C1orf74: variants seen among roughly 807,000 people sequenced by gnomAD.
C1orf74 encodes UPF0739 protein C1orf74.
C1orf74 carries 5 observed loss-of-function variants against 7.3 expected under a neutral mutation model. That is an observed-to-expected ratio of 0.68 (90% CI 0.36 to 1.44). C1orf74 has a LOEUF of 1.44. Ranked by LOEUF, C1orf74 falls within the 40% of genes most tolerant of loss-of-function variation. The pLI, the probability that C1orf74 is intolerant of heterozygous loss-of-function variation, is 0.04. For synonymous variants in C1orf74, 121 were observed against 132.5 expected, an observed-to-expected ratio of 0.91 and a Z score of 0.59; for missense variants, 291 against 314.3, an observed-to-expected ratio of 0.93 and a Z score of 0.56.
rs756188636 is a variant in C1orf74 at position 209,779,451 on chromosome 1, T to C, written c.*3374A>G. ...CCTAGAGGCAGCGGGATGGACTACA[T>C]GACCTCCTGGAGTCCCAGCCAGTTC... On this transcript the variant is annotated 3_prime_UTR_variant, in exon 2 of 2. Coordinates refer to ENST00000294811, the MANE Select transcript of C1orf74 (RefSeq NM_152485.4). 7 of 1,288,078 alleles carry C rather than the reference T, an allele frequency of 5.4e-6. No individual in the cohort carries two copies. Among genetic ancestry groups the C allele is most frequent in the Non-Finnish European group, 7.9e-6 (7 of 886,646 alleles). 79.8% of individuals were successfully genotyped at this position (1,288,078 alleles called of 1,614,324 possible). A position where few individuals can be genotyped will look rare whatever the true frequency, so the allele number is the denominator to read the frequency against.
At position 209,782,032 on chromosome 1, in the gene C1orf74, TTCTG is replaced by T; in HGVS notation, c.*789_*792del. ...TTCCAATCCACTCATGGCCACTTTC[TTCTG>T]TCTCCCTGTCCCCCTACAGAGGCAA... On this transcript the variant is annotated 3_prime_UTR_variant, in exon 2 of 2. Transcript: ENST00000294811. The T allele has an allele frequency of 6.2e-7, 1 of 1,602,074 alleles. No individual in the cohort carries two copies. Among genetic ancestry groups the T allele is most frequent in the Non-Finnish European group, 8.6e-7 (1 of 1,169,012 alleles).
At chr1:209,784,007 G>A (rs1346008854) in intron 1 of C1orf74, among the ~76,000 whole-genome samples, 3 of 152,144 alleles carry the variant, frequency 2.0e-5, no homozygotes, top group African/African-American at 7.2e-5. Flanking sequence ...GGCGGAGGCG[G>A]GGCAGTGTTT....
Position 209,782,344 on chromosome 1 carries a change from G to T in C1orf74, c.*481C>A, listed in dbSNP as rs939506134. ...CAGAACTCTCAGTTTATTCCTGAAT[G>T]GTGTATTACATTAACAAGTATCACA... On this transcript the variant is annotated 3_prime_UTR_variant, in exon 2 of 2. Transcript: ENST00000294811. The T allele has an allele frequency of 5.2e-6, 3 of 574,930 alleles. No individual in the cohort carries two copies. The highest frequency in any genetic ancestry group is 9.4e-6 in the Non-Finnish European group (3 of 320,234). The allele number at this position is 574,930 out of a possible 1,614,324, so 35.6% of individuals were successfully genotyped here.
chr1:209,782,258 C>G lies in C1orf74; in HGVS notation c.*567G>C, dbSNP rs757059821. 25 of 815,300 alleles carry G rather than the reference C, an allele frequency of 3.1e-5. No individual in the cohort carries two copies. The highest frequency in any genetic ancestry group is 5.2e-5 in the Non-Finnish European group (25 of 481,474). 50.5% of individuals were successfully genotyped at this position (815,300 alleles called of 1,614,324 possible). A position where few individuals can be genotyped will look rare whatever the true frequency, so the allele number is the denominator to read the frequency against. ...GGGTTTTCCAACTGACTTAGGATTT[C>G]TGACTTTTTATTAATTTCTTAACCT... On this transcript the variant is annotated 3_prime_UTR_variant, in exon 2 of 2. Coordinates refer to ENST00000294811, the MANE Select transcript of C1orf74 (RefSeq NM_152485.4).
chr1:209,782,400 C>G lies in C1orf74; in HGVS notation c.*425G>C. ...AAGCATACTGGTGGTCTACTCTCCT[C>G]AAATTCAGTTGGAGGCATATAAACA... is the stretch of plus-strand genomic sequence containing the variant. On this transcript the variant is annotated 3_prime_UTR_variant, in exon 2 of 2. Transcript: ENST00000294811. 1 of 503,318 alleles carries G rather than the reference C, an allele frequency of 2.0e-6. No homozygotes were observed. The highest frequency in any genetic ancestry group is 3.6e-6 in the Non-Finnish European group (1 of 279,438). 31.2% of individuals were successfully genotyped at this position (503,318 alleles called of 1,614,324 possible).
chr1:209,782,780 G>T lies in C1orf74; in HGVS notation c.*45C>A, dbSNP rs1360189801. The T allele has an allele frequency of 6.4e-7, 1 of 1,570,650 alleles. No homozygotes were observed. Among genetic ancestry groups the T allele is most frequent in the Non-Finnish European group, 8.7e-7 (1 of 1,150,228 alleles). ...GATTATTTGCCATCCCCAACCTAGA[G>T]ATGATCATTTACTGAGTACCTTCTA... On this transcript the variant is annotated 3_prime_UTR_variant, in exon 2 of 2. Coordinates refer to ENST00000294811, the MANE Select transcript of C1orf74 (RefSeq NM_152485.4).
At position 209,783,454 on chromosome 1, in the gene C1orf74, C is replaced by A. The variant is rs1427910296; in HGVS notation, c.181G>T (p.Ala61Ser). The A allele has an allele frequency of 1.2e-6, 2 of 1,614,038 alleles. No individual in the cohort carries two copies. Among genetic ancestry groups the A allele is most frequent in the African/African-American group, 1.3e-5 (1 of 74,908 alleles). ...TAGCTCTGGAGCTCTGATGCCCCTG[C>A]ACAGTTGCAATCATAGAGCACAGCT... ...KPAVLYDCNC[A>S]GASELQSYLE... The change falls in exon 2 of 2, where the codon GCA (alanine) becomes TCA (serine). Residue 61 changes from alanine (A) to serine (S), a missense_variant. Coordinates refer to ENST00000294811, the MANE Select transcript of C1orf74 (RefSeq NM_152485.4).
rs2077757629 is a variant in C1orf74 at position 209,780,669 on chromosome 1, A to G, written c.*2156T>C. On this transcript the variant is annotated 3_prime_UTR_variant, in exon 2 of 2. Transcript: ENST00000294811. ...GAAATAGCAGAGAAACCTGGGAGGC[A>G]GTCAAAAAGCAGGGATTTCAAAGTT... The G allele has an allele frequency of 7.1e-7, 1 of 1,411,588 alleles. No homozygotes were observed. Among genetic ancestry groups the G allele is most frequent in the Non-Finnish European group, 9.4e-7 (1 of 1,065,308 alleles). 87.4% of individuals were successfully genotyped at this position (1,411,588 alleles called of 1,614,324 possible).
chr1:209,783,009 C>A lies in C1orf74; in HGVS notation c.626G>T (p.Trp209Leu), dbSNP rs2077806890. 1 of 1,614,144 alleles carries A rather than the reference C, an allele frequency of 6.2e-7. No homozygotes were observed. Among genetic ancestry groups the A allele is most frequent in the Non-Finnish European group, 8.5e-7 (1 of 1,180,026 alleles). ...CAGGATTGGGGGTTGACCTAGCAAC[C>A]ATGAGATCCGGGCAGTGAATACTCG... Reference protein sequence around the residue: ...PLRVFTARISWLLGQPPILLY... With the variant: ...PLRVFTARISLLLGQPPILLY... Residue 209 changes from tryptophan (W) to leucine (L), a missense_variant, in exon 2 of 2, where the codon TGG (tryptophan) becomes TTG (leucine). By Grantham distance (61) the Trp-to-Leu change is moderately conservative. Transcript: ENST00000294811.
chr1:209,782,257 TCTGA>T lies in C1orf74; in HGVS notation c.*564_*567del, dbSNP rs1363682062. 2.5e-6 allele frequency: 2 copies of T among 815,270 alleles called. No homozygotes were observed. The highest frequency in any genetic ancestry group is 4.2e-6 in the Non-Finnish European group (2 of 481,534). The allele number at this position is 815,270 out of a possible 1,614,324, so 50.5% of individuals were successfully genotyped here. A position where few individuals can be genotyped will look rare whatever the true frequency, so the allele number is the denominator to read the frequency against. On this transcript the variant is annotated 3_prime_UTR_variant, in exon 2 of 2. Transcript: ENST00000294811. ...TGGGTTTTCCAACTGACTTAGGATTTCTGACTTTTTATTAATTTCTTAACCTACT... is the reference window on the plus strand; with the variant it reads ...TGGGTTTTCCAACTGACTTAGGATTTCTTTTTATTAATTTCTTAACCTACT...
chr1:209,783,286 C>T lies in C1orf74; in HGVS notation c.349G>A (p.Val117Ile). The change falls in exon 2 of 2, where the codon GTT (valine) becomes ATT (isoleucine). Residue 117 changes from valine to isoleucine, a missense_variant. Transcript: ENST00000294811. ...VLLGTIAFVD[V>I]SSCQRHPSVC... ...GAAGGGTGACGCTGGCAGCTGGAAA[C>T]ATCCACAAAGGCTATGGTACCAAGC... 1 of 1,614,194 alleles carries T rather than the reference C, an allele frequency of 6.2e-7. No homozygotes were observed. The highest frequency in any genetic ancestry group is 8.5e-7 in the Non-Finnish European group (1 of 1,180,026).
In C1orf74 at chr1:209,784,504, T is replaced by TGGGAAGACCCTCGCAGCCCGCTCTGCTCC. The variant is rs2077820079; in HGVS notation, c.-231_-203dup. On this transcript the variant is annotated 5_prime_UTR_variant, in exon 1 of 2. The change abolishes the stop of an existing upstream ORF in the 5' untranslated region. Coordinates refer to ENST00000294811, the MANE Select transcript of C1orf74 (RefSeq NM_152485.4). ...GTAACACTGGAAAACCCGCCTGCGCTGGGAAGACCCTCGCAGCCCGCTCTG... is the reference window on the plus strand; with the variant it reads ...GTAACACTGGAAAACCCGCCTGCGCTGGGAAGACCCTCGCAGCCCGCTCTGCTCCGGGAAGACCCTCGCAGCCCGCTCTG... 2 of 152,284 alleles carry TGGGAAGACCCTCGCAGCCCGCTCTGCTCC rather than the reference T, an allele frequency of 1.3e-5. No individual in the cohort carries two copies. The highest frequency in any genetic ancestry group is 4.8e-5 in the African/African-American group (2 of 41,478). 9.4% of individuals were successfully genotyped at this position (152,284 alleles called of 1,614,324 possible).
intron 1 of C1orf74, 101 bp from the exon 2 acceptor site, chr1:209,783,810 C>G: frequency 1.7e-6 from 1 of 571,836 alleles, no homozygotes. Flanking sequence ...AAATGGCGAC[C>G]CAGCCCAGAC....
intron 1 of C1orf74, among the ~76,000 whole-genome samples, chr1:209,784,052 C>T (rs2077816635): frequency 6.6e-6 from 1 of 152,188 alleles, no homozygotes; most frequent in Non-Finnish European, 1.5e-5. Context: ...AAAAGCCCTT[C>T]TGGGACAGAG....
In C1orf74 at chr1:209,780,520, C is replaced by A; in HGVS notation, c.*2305G>T. 1 of 1,602,926 alleles carries A rather than the reference C, an allele frequency of 6.2e-7. No individual in the cohort carries two copies. Among genetic ancestry groups the A allele is most frequent in the Non-Finnish European group, 8.5e-7 (1 of 1,174,434 alleles). Reference sequence around the variant, plus strand: ...AAAGTCCTTCCCTAACGAAGTGGAGCCTGAGGGTACAGGGAAGGAGAAAGA... The same window carrying A: ...AAAGTCCTTCCCTAACGAAGTGGAGACTGAGGGTACAGGGAAGGAGAAAGA... On this transcript the variant is annotated 3_prime_UTR_variant, in exon 2 of 2. Coordinates refer to ENST00000294811, the MANE Select transcript of C1orf74 (RefSeq NM_152485.4).
Position 209,782,964 on chromosome 1 carries a change from G to C in C1orf74, c.671C>G (p.Pro224Arg). The change falls in exon 2 of 2, where the codon CCA becomes CGA. Residue 224 changes from proline (P) to arginine (R), a missense_variant. Physicochemically the swap from Pro to Arg is moderately radical, Grantham distance 103. Coordinates refer to ENST00000294811, the MANE Select transcript of C1orf74 (RefSeq NM_152485.4). ...PPILLYSFSVPESLFPGLRDI... is the reference protein window; with the variant it reads ...PPILLYSFSVRESLFPGLRDI... ...CCTCAGGCCTGGGAACAAACTCTCT[G>C]GGACACTAAAAGAATAGAGCAGGAT... is the stretch of plus-strand genomic sequence containing the variant. The C allele has an allele frequency of 6.2e-7, 1 of 1,614,144 alleles. No homozygotes were observed.
rs575053045 is a variant in C1orf74 at position 209,781,448 on chromosome 1, T to A, written c.*1377A>T. On this transcript the variant is annotated 3_prime_UTR_variant, in exon 2 of 2. Coordinates refer to ENST00000294811, the MANE Select transcript of C1orf74 (RefSeq NM_152485.4). ...GAAGAGCTGAACCAGAGCCAGCAGCTGCCTCCCAGAGTAAGAGGGTCTCTC... is the reference window on the plus strand; with the variant it reads ...GAAGAGCTGAACCAGAGCCAGCAGCAGCCTCCCAGAGTAAGAGGGTCTCTC... 8.1e-6 allele frequency: 13 copies of A among 1,612,664 alleles called. No individual in the cohort carries two copies. In the South Asian group the frequency reaches 1.3e-4, roughly 16 times the overall value.
chr1:209,782,329 A>G lies in C1orf74; in HGVS notation c.*496T>C. 1.7e-6 allele frequency: 1 copy of G among 592,216 alleles called. No homozygotes were observed. The highest frequency in any genetic ancestry group is 3.0e-6 in the Non-Finnish European group (1 of 329,134). 36.7% of individuals were successfully genotyped at this position (592,216 alleles called of 1,614,324 possible). ...GACCAGATTGTTCCTCAGAACTCTC[A>G]GTTTATTCCTGAATGGTGTATTACA... On this transcript the variant is annotated 3_prime_UTR_variant, in exon 2 of 2. Transcript: ENST00000294811.
rs1030874713 is a variant in C1orf74 at position 209,780,469 on chromosome 1, G to C, written c.*2356C>G. On this transcript the variant is annotated 3_prime_UTR_variant, in exon 2 of 2. Transcript: ENST00000294811. ...CACCAAGAATCTGGCTGCTTTTTTA[G>C]ATCAGGCTTTGCCCGTGTGGAGTCC... is the stretch of plus-strand genomic sequence containing the variant. 1.3e-6 allele frequency: 2 copies of C among 1,557,248 alleles called. No individual in the cohort carries two copies. The highest frequency in any genetic ancestry group is 1.7e-6 in the Non-Finnish European group (2 of 1,147,312).
Sources: gnomAD v4.1 joint callset for allele counts (sites outside exome capture counted in the v4.1 genomes callset) on GRCh38, gnomAD v4.1.1 for gene constraint, MANE v1.5 for transcripts, NCBI Gene and HGNC (gene_info 2026-07-23, HGNC 2026-07-21) for gene names.